The following LRRC37A2 variants were observed in gnomAD, a reference collection of about 807,000 sequenced individuals.
The protein encoded by LRRC37A2 is leucine-rich repeat-containing protein 37A2.
A neutral mutation model predicts 68.8 loss-of-function variants in LRRC37A2; 9 were observed. The ratio of observed to expected loss-of-function variants is 0.13; its 90% CI spans 0.08 to 0.23. LRRC37A2 has a LOEUF of 0.23. Among genes scored for constraint, LRRC37A2 ranks in the 10% least tolerant of loss-of-function variants. LRRC37A2 has a pLI of 1.00. For synonymous variants in LRRC37A2, 63 were observed against 367.6 expected (o/e 0.17, Z 9.48); for missense variants, 168 against 950.4 (o/e 0.18, Z 10.82).
At chr17:46,738,028 G>T in the LRRC37A2 span, among the ~76,000 whole-genome samples, 70 of 151,756 alleles carry the variant, frequency 4.6e-4, no homozygotes, top group African/African-American at 1.7e-3. Context: ...TTACCTCCTG[G>T]GCTCAATTGA....
At chr17:47,002,015 G>A in the LRRC37A2 span, among the ~76,000 whole-genome samples, 7 of 151,646 alleles carry the variant, frequency 4.6e-5, no homozygotes, top group Non-Finnish European at 8.8e-5. Context: ...CTGGGATTAC[G>A]GGTGTGAGCC....
chr17:46,793,228 C>T, the LRRC37A2 span, among the ~76,000 whole-genome samples: 56 of 128,286 alleles, frequency 4.4e-4, no homozygotes, highest in East Asian at 9.6e-4. Context: ...GAGCCAAGAT[C>T]GAGCCATTTT....
chr17:46,542,568 G>A (rs1218468528), intron 8 of LRRC37A2, among the ~76,000 whole-genome samples: 2 of 149,324 alleles, frequency 1.3e-5, no homozygotes, highest in South Asian at 2.1e-4. Context: ...GGTGGCACAC[G>A]CCTGTAGTCC....
the LRRC37A2 span, among the ~76,000 whole-genome samples, chr17:46,731,171 G>A: frequency 6.6e-6 from 1 of 151,978 alleles, no homozygotes; most frequent in Admixed American, 6.6e-5. Flanking sequence ...AAAAAAAGTA[G>A]TACCATTACA....
chr17:46,879,697 C>T, the LRRC37A2 span, among the ~76,000 whole-genome samples: 2 of 152,166 alleles, frequency 1.3e-5, no homozygotes, highest in Non-Finnish European at 2.9e-5. Flanking sequence ...CTCCATAGAC[C>T]AGGCACTACG....
the LRRC37A2 span, chr17:47,042,111 T>A: frequency 2.2e-5 from 3 of 134,770 alleles, 1 homozygote; most frequent in Admixed American, 2.3e-4. Context: ...TGAGTGAGAA[T>A]GTGTCTCTTA....
chr17:46,872,791 G>C, the LRRC37A2 span: 13 of 1,427,922 alleles, frequency 9.1e-6, no homozygotes, highest in Non-Finnish European at 1.3e-5. Context: ...GGAGGGCTAG[G>C]GGACGGGGAG....
At chr17:46,721,973 G>A in the LRRC37A2 span, 1 of 1,605,208 alleles carries the variant, frequency 6.2e-7, no homozygotes, top group Non-Finnish European at 8.5e-7. Context: ...TTGAGGAACG[G>A]GAACAAAGAT....
the LRRC37A2 span, among the ~76,000 whole-genome samples, chr17:46,747,613 G>T: frequency 6.6e-6 from 1 of 151,968 alleles, no homozygotes; most frequent in Non-Finnish European, 1.5e-5. Context: ...TAATTGCACA[G>T]GATGCAATTA....
At chr17:46,572,949 G>A in the LRRC37A2 span, among the ~76,000 whole-genome samples, 1 of 110,658 alleles carries the variant, frequency 9.0e-6, no homozygotes, top group African/African-American at 3.5e-5. Flanking sequence ...GGGGAGGGGA[G>A]GGGAGGAAGG....
At chr17:46,866,464 G>T in the LRRC37A2 span, among the ~76,000 whole-genome samples, 2 of 152,062 alleles carry the variant, frequency 1.3e-5, no homozygotes, top group African/African-American at 4.8e-5. Flanking sequence ...GTGAGGGAGT[G>T]TGAGTGTGTG....
At chr17:46,955,275 A>G in the LRRC37A2 span, among the ~76,000 whole-genome samples, 1 of 151,964 alleles carries the variant, frequency 6.6e-6, no homozygotes, top group Non-Finnish European at 1.5e-5. Flanking sequence ...TGAGATAATC[A>G]TGTGGTTTTT....
chr17:46,994,030 T>C, the LRRC37A2 span, among the ~76,000 whole-genome samples: 1 of 152,142 alleles, frequency 6.6e-6, no homozygotes, highest in Non-Finnish European at 1.5e-5. Flanking sequence ...GAAGCATTGT[T>C]ATGAAAGTAG....
the LRRC37A2 span, among the ~76,000 whole-genome samples, chr17:46,762,232 T>C: frequency 6.6e-6 from 1 of 152,248 alleles, no homozygotes; most frequent in African/African-American, 2.4e-5. Context: ...TTGAAAATAC[T>C]TGAGTCTGTG....
the LRRC37A2 span, among the ~76,000 whole-genome samples, chr17:46,897,551 A>T: frequency 3.9e-4 from 60 of 152,182 alleles, 2 homozygotes; most frequent in South Asian, 0.012. Flanking sequence ...CCATCCTTGG[A>T]CTCACACTGG....
the LRRC37A2 span, among the ~76,000 whole-genome samples, chr17:46,709,929 T>C: frequency 6.6e-6 from 1 of 152,178 alleles, no homozygotes; most frequent in Non-Finnish European, 1.5e-5. Context: ...AAAGGACCAG[T>C]ATATGCAAAG....
At chr17:46,945,226 C>T in the LRRC37A2 span, among the ~76,000 whole-genome samples, 1 of 152,186 alleles carries the variant, frequency 6.6e-6, no homozygotes, top group Non-Finnish European at 1.5e-5. Flanking sequence ...GCCTGATGTG[C>T]TGTCTTCTGC....
At chr17:46,777,047 A>C in the LRRC37A2 span, among the ~76,000 whole-genome samples, 1 of 152,126 alleles carries the variant, frequency 6.6e-6, no homozygotes, top group Non-Finnish European at 1.5e-5. Flanking sequence ...CATTATACAG[A>C]TGAAAAACAG....
At chr17:46,996,632 T>C in the LRRC37A2 span, among the ~76,000 whole-genome samples, 2 of 152,212 alleles carry the variant, frequency 1.3e-5, no homozygotes, top group African/African-American at 4.8e-5. Flanking sequence ...ATTTAGGGCC[T>C]TAAAACAACC....
Sources: allele counts gnomAD v4.1 joint callset (sites outside exome capture counted in the v4.1 genomes callset), GRCh38; gene constraint gnomAD v4.1.1; transcripts MANE v1.5; gene names NCBI Gene and HGNC (gene_info 2026-07-23, HGNC 2026-07-21).